The following TTLL5 variants were observed in gnomAD, a reference collection of about 807,000 sequenced individuals.
TTLL5 encodes tubulin polyglutamylase TTLL5.
In TTLL5, 132 loss-of-function variants were observed where a neutral mutation model predicts 168.4. The ratio of observed to expected loss-of-function variants is 0.78; its 90% CI spans 0.68 to 0.91. The LOEUF (loss-of-function observed/expected upper bound fraction) is 0.91, where lower values mean the gene tolerates loss of function less well. Among genes scored for constraint, TTLL5 ranks in the 40% least tolerant of loss-of-function variants. The pLI is 0.00. For synonymous variants in TTLL5, 546 were observed against 558.6 expected, an observed-to-expected ratio of 0.98 and a Z score of 0.32; for missense variants, 1,545 against 1,581.5, an observed-to-expected ratio of 0.98 and a Z score of 0.39.
chr14:75,856,295 G>A (rs766410854), intron 28 of TTLL5, among the ~76,000 whole-genome samples: 20 of 152,224 alleles, frequency 1.3e-4, no homozygotes, highest in Middle Eastern at 3.4e-3. Context: ...CCCAGGAGGC[G>A]GAAGTTGCAG....
intron 15 of TTLL5, among the ~76,000 whole-genome samples, chr14:75,742,721 CA>C (rs1436295448): frequency 6.6e-6 from 1 of 152,168 alleles, no homozygotes; most frequent in East Asian, 1.9e-4. Context: ...TGATCAGAGA[CA>C]TGCTGTGATG....
intron 28 of TTLL5, among the ~76,000 whole-genome samples, chr14:75,831,430 C>T (rs1895557220): frequency 6.6e-6 from 1 of 152,130 alleles, no homozygotes; most frequent in African/African-American, 2.4e-5. Context: ...CAGATCCCAG[C>T]ATTATCTTTT....
intron 29 of TTLL5, among the ~76,000 whole-genome samples, chr14:75,881,695 T>C (rs770031993): frequency 4.4e-4 from 67 of 152,186 alleles, no homozygotes; most frequent in Admixed American, 7.2e-4. Flanking sequence ...TGCCAGAAAT[T>C]GTTTTAATAA....
At chr14:75,738,325 C>T (rs551382413) in intron 15 of TTLL5, among the ~76,000 whole-genome samples, 5 of 152,262 alleles carry the variant, frequency 3.3e-5, no homozygotes, top group South Asian at 4.1e-4. Flanking sequence ...CATATATAAA[C>T]GTGTCACTGC....
At chr14:75,737,501 G>C (rs1401448653) in intron 15 of TTLL5, 2 of 1,465,058 alleles carry the variant, frequency 1.4e-6, no homozygotes, top group Non-Finnish European at 1.8e-6. Context: ...ATAGATCTAG[G>C]AGATGGAAAA....
intron 27 of TTLL5, chr14:75,803,059 A>G (rs1360722832): frequency 1.3e-5 from 2 of 152,296 alleles, no homozygotes; most frequent in African/African-American, 4.8e-5. Context: ...GTTCAGGGAG[A>G]GCTTTCATGC....
chr14:75,698,791 T>C (rs975665735), intron 6 of TTLL5, among the ~76,000 whole-genome samples: 8 of 151,088 alleles, frequency 5.3e-5, no homozygotes. Flanking sequence ...TGTAGTCCCA[T>C]CAACTCAGAA....
At chr14:75,749,061 C>T (rs1485152586) in intron 17 of TTLL5, among the ~76,000 whole-genome samples, 1 of 152,072 alleles carries the variant, frequency 6.6e-6, no homozygotes, top group African/African-American at 2.4e-5. Flanking sequence ...TTAAAATATG[C>T]TATTCATGTA....
At chr14:75,758,346 A>G (rs1443408142) in intron 18 of TTLL5, among the ~76,000 whole-genome samples, 1 of 152,240 alleles carries the variant, frequency 6.6e-6, no homozygotes, top group Non-Finnish European at 1.5e-5. Context: ...GGAATACATT[A>G]TGATTGCCAT....
chr14:75,911,214 G>A (rs1181203279), intron 31 of TTLL5, among the ~76,000 whole-genome samples: 4 of 151,880 alleles, frequency 2.6e-5, no homozygotes, highest in Admixed American at 1.3e-4. Flanking sequence ...TTAATTTTTA[G>A]TAGAGACAGT....
intron 28 of TTLL5, among the ~76,000 whole-genome samples, chr14:75,837,895 A>T (rs1254703019): frequency 6.6e-6 from 1 of 152,066 alleles, no homozygotes; most frequent in South Asian, 2.1e-4. Flanking sequence ...ACACCCATAC[A>T]CACACACTAC....
chr14:75,881,212 C>G (rs919381842), intron 29 of TTLL5, among the ~76,000 whole-genome samples: 1 of 152,354 alleles, frequency 6.6e-6, no homozygotes, highest in Middle Eastern at 3.4e-3. Flanking sequence ...CCGAACCTGG[C>G]TTTGTCTTTG....
intron 3 of TTLL5, among the ~76,000 whole-genome samples, chr14:75,675,100 G>A (rs1027548347): frequency 6.6e-6 from 1 of 151,960 alleles, no homozygotes; most frequent in African/African-American, 2.4e-5. Flanking sequence ...TTTAAAATAG[G>A]ATTTCCAGTA....
intron 6 of TTLL5, among the ~76,000 whole-genome samples, chr14:75,696,746 A>C (rs1182143522): frequency 6.6e-6 from 1 of 152,188 alleles, no homozygotes; most frequent in Admixed American, 6.5e-5. Flanking sequence ...CAGTGTTACT[A>C]GTTTTTTACA....
chr14:75,904,311 G>A, intron 31 of TTLL5: 1 of 978,044 alleles, frequency 1.0e-6, no homozygotes, highest in Non-Finnish European at 1.3e-6. Context: ...CGAAGTAATG[G>A]CACAAGGGAA....
chr14:75,686,876 T>C (rs957881133), intron 5 of TTLL5, among the ~76,000 whole-genome samples: 1 of 152,196 alleles, frequency 6.6e-6, no homozygotes, highest in African/African-American at 2.4e-5. Context: ...TAGAGAATCA[T>C]GATTCCATTA....
At chr14:75,786,059 C>A (rs1008623101) in intron 26 of TTLL5, among the ~76,000 whole-genome samples, 1 of 152,100 alleles carries the variant, frequency 6.6e-6, no homozygotes, top group African/African-American at 2.4e-5. Flanking sequence ...TTTCTTAATA[C>A]CTGTTTTCAA....
At chr14:75,868,445 C>T (rs2030720359) in intron 29 of TTLL5, among the ~76,000 whole-genome samples, 3 of 152,168 alleles carry the variant, frequency 2.0e-5, no homozygotes, top group African/African-American at 4.8e-5. Context: ...TTTCTCTCAT[C>T]CTTCTGCCCC....
At chr14:75,817,520 T>G (rs1180296804) in intron 27 of TTLL5, among the ~76,000 whole-genome samples, 1 of 152,214 alleles carries the variant, frequency 6.6e-6, no homozygotes, top group Non-Finnish European at 1.5e-5. Flanking sequence ...TTTCACTTAC[T>G]GAATTCTATA....
Sources: allele counts gnomAD v4.1 joint callset (sites outside exome capture counted in the v4.1 genomes callset), GRCh38; gene constraint gnomAD v4.1.1; transcripts MANE v1.5; gene names NCBI Gene and HGNC (gene_info 2026-07-23, HGNC 2026-07-21).